Variants in RNF157 observed in about 807,000 individuals in gnomAD.
The protein encoded by RNF157 is E3 ubiquitin ligase RNF157.
RNF157 carries 55 observed loss-of-function variants against 88.3 expected under a neutral mutation model. The ratio of observed to expected loss-of-function variants is 0.62; its 90% confidence interval spans 0.50 to 0.78. The LOEUF (loss-of-function observed/expected upper bound fraction) is 0.78. Ranked by LOEUF, RNF157 falls within the 30% of genes least tolerant of loss-of-function variation. The probability of loss-of-function intolerance (pLI) is 0.00; values close to 1 mark genes in which losing one functional copy is unlikely to be tolerated. For synonymous variants in RNF157, 334 were observed against 341.2 expected, an observed-to-expected ratio of 0.98 and a Z score of 0.23; for missense variants, 788 against 860.8, an observed-to-expected ratio of 0.92 and a Z score of 1.06.
intron 1 of RNF157, among the ~76,000 whole-genome samples, chr17:76,237,775 A>T (rs2070306435): frequency 6.6e-6 from 1 of 152,098 alleles, no homozygotes; most frequent in Non-Finnish European, 1.5e-5. Context: ...CAACATAGTG[A>T]GAGAGTGTCT....
intron 13 of RNF157, 65 bp from the exon 14 acceptor site, chr17:76,156,386 G>A (rs2068764847): frequency 1.2e-6 from 2 of 1,607,270 alleles, no homozygotes; most frequent in Admixed American, 1.7e-5. Context: ...CTGGAGGAAG[G>A]GGTCAGGGCG....
intron 1 of RNF157, among the ~76,000 whole-genome samples, chr17:76,227,652 C>A (rs1438621296): frequency 6.6e-6 from 1 of 151,698 alleles, no homozygotes; most frequent in Non-Finnish European, 1.5e-5. Context: ...CCGAGGTGGG[C>A]GGATCACCTG....
chr17:76,165,500 A>G lies in RNF157; in HGVS notation c.672+2T>C. 1 of 1,614,114 alleles carries G rather than the reference A, an allele frequency of 6.2e-7. No homozygotes were observed. Among genetic ancestry groups the G allele is most frequent in the Non-Finnish European group, 8.5e-7 (1 of 1,179,982 alleles). On this transcript the variant is annotated splice_donor_variant, in intron 7 of 18. Transcript: ENST00000269391. LOFTEE classifies it high-confidence loss of function. ...AAAGCGAGGCCCTCTAAAGTCACTC[A>G]CCTTCTCAAAAGTACCCAGCAGTAC... is the stretch of plus-strand genomic sequence containing the variant.
intron 16 of RNF157, 28 bp from the exon 17 acceptor site, chr17:76,154,356 C>A: frequency 1.9e-6 from 3 of 1,565,556 alleles, no homozygotes; most frequent in Non-Finnish European, 2.6e-6. Flanking sequence ...CCCTGTGAGT[C>A]TATGAAGCGG....
intron 2 of RNF157, among the ~76,000 whole-genome samples, chr17:76,202,220 G>A (rs183243657): frequency 6.6e-6 from 1 of 151,730 alleles, no homozygotes; most frequent in East Asian, 1.9e-4. Flanking sequence ...GGCCTGTAGG[G>A]CAGTTAAGTG....
intron 1 of RNF157, among the ~76,000 whole-genome samples, chr17:76,213,207 T>C (rs893405875): frequency 3.9e-5 from 6 of 152,210 alleles, no homozygotes; most frequent in African/African-American, 1.4e-4. Flanking sequence ...GGCATATACA[T>C]ACACTGTGAT....
intron 18 of RNF157, chr17:76,147,106 C>G: frequency 1.0e-6 from 1 of 985,276 alleles, no homozygotes; most frequent in Non-Finnish European, 1.2e-6. Context: ...GGTACTGGAG[C>G]CTGGGACATG....
intron 2 of RNF157, among the ~76,000 whole-genome samples, chr17:76,209,244 G>C (rs968630879): frequency 2.6e-5 from 4 of 151,932 alleles, no homozygotes; most frequent in African/African-American, 9.7e-5. Flanking sequence ...TCTTCTTTGG[G>C]AAAAAGCCTC....
intron 1 of RNF157, among the ~76,000 whole-genome samples, chr17:76,236,200 A>C (rs1306554018): frequency 6.6e-6 from 1 of 152,166 alleles, no homozygotes; most frequent in Non-Finnish European, 1.5e-5. Context: ...CTTCTTAAAG[A>C]CTTCAGCAAA....
At chr17:76,226,953 C>A in intron 1 of RNF157, 2 of 637,276 alleles carry the variant, frequency 3.1e-6, no homozygotes, top group African/African-American at 1.8e-5. Flanking sequence ...CTGCTGCCGC[C>A]GCTGCAAAGG....
At chr17:76,208,822 A>C (rs1481728707) in intron 2 of RNF157, among the ~76,000 whole-genome samples, 1 of 152,020 alleles carries the variant, frequency 6.6e-6, no homozygotes, top group Non-Finnish European at 1.5e-5. Flanking sequence ...AAAAACACAA[A>C]AATTAGCCAG....
chr17:76,210,680 A>C (rs1258198113), intron 2 of RNF157, among the ~76,000 whole-genome samples: 1 of 152,016 alleles, frequency 6.6e-6, no homozygotes, highest in Admixed American at 6.6e-5. Flanking sequence ...ATGGAAGACC[A>C]TCATCAGATC....
chr17:76,168,375 T>C (rs1223280030), intron 3 of RNF157, among the ~76,000 whole-genome samples: 3 of 152,162 alleles, frequency 2.0e-5, no homozygotes, highest in African/African-American at 7.2e-5. Flanking sequence ...CACAAACTTA[T>C]AATCTATGAT....
chr17:76,151,490 C>T (rs769152355), intron 18 of RNF157, among the ~76,000 whole-genome samples: 8 of 152,240 alleles, frequency 5.3e-5, no homozygotes, highest in Admixed American at 2.6e-4. Context: ...AGTGAGTCTT[C>T]GTTCAGGGAA....
rs917587469 is a variant in RNF157, at chr17:76,160,644, T to C, written c.1065+891A>G. Reference sequence around the variant, plus strand: ...ATGAACTATGGCAAAGACATTAGCTTTTCCTCTGATACACACATTGTAAAT... The same window carrying C: ...ATGAACTATGGCAAAGACATTAGCTCTTCCTCTGATACACACATTGTAAAT... On this transcript the variant is annotated intron_variant, in intron 11 of 18. Transcript: ENST00000269391. This position sits in a 1 kb window ranked among gnomAD's most constrained non-coding sequence, Gnocchi z 4.3. 6.6e-6 allele frequency among the ~76,000 whole-genome samples: 1 copy of C among 152,200 alleles called. No homozygotes were observed. The highest frequency in any genetic ancestry group is 2.4e-5 in the African/African-American group (1 of 41,446).
chr17:76,190,658 G>T (rs1321651608), intron 2 of RNF157, among the ~76,000 whole-genome samples: 9 of 150,852 alleles, frequency 6.0e-5, no homozygotes, highest in Admixed American at 2.0e-4. Flanking sequence ...GATGGCTCAC[G>T]CCTGTAATCC....
rs144273940 is a variant in RNF157 at position 76,154,193 on chromosome 17, C to A, written c.1810+90G>T. 119 of 936,134 alleles carry A rather than the reference C, an allele frequency of 1.3e-4. 1 individual carries two copies. The East Asian group carries it at 2.8e-3, about 22-fold the overall frequency. 58.0% of individuals were successfully genotyped at this position (936,134 alleles called of 1,614,324 possible). A position where few individuals can be genotyped will look rare whatever the true frequency, so the allele number is the denominator to read the frequency against. The stretch of plus-strand genomic sequence containing the variant: ...CCCATACAACTGAGCAGCGCCACCA[C>A]GTCATACCGGTACCCTTTTCTTTAC... On this transcript the variant is annotated intron_variant, in intron 17 of 18. Coordinates refer to ENST00000269391, the MANE Select transcript of RNF157 (RefSeq NM_052916.3).
chr17:76,168,248 ATTTC>A lies in RNF157; in HGVS notation c.297-455_297-452del, dbSNP rs761050252. 2.6e-5 allele frequency among the ~76,000 whole-genome samples: 4 copies of A among 151,880 alleles called. No homozygotes were observed. The South Asian group carries it at 6.2e-4, about 24-fold the overall frequency. ...TGGGTTTCCTACTATGGAAACAAGG[ATTTC>A]TTTCTCTTTCCTCACTGTGCTCCAT... On this transcript the variant is annotated intron_variant, in intron 3 of 18. Coordinates refer to ENST00000269391, the MANE Select transcript of RNF157 (RefSeq NM_052916.3).
chr17:76,238,444 A>T (rs548481547), intron 1 of RNF157, among the ~76,000 whole-genome samples: 28 of 152,320 alleles, frequency 1.8e-4, no homozygotes, highest in African/African-American at 6.5e-4. Flanking sequence ...AGGATTATTT[A>T]TTGAGTGTGC....
Sources: allele counts gnomAD v4.1 joint callset (sites outside exome capture counted in the v4.1 genomes callset), GRCh38; gene constraint gnomAD v4.1.1; non-coding constraint Gnocchi (gnomAD v3.1); transcripts MANE v1.5; gene names NCBI Gene and HGNC (gene_info 2026-07-23, HGNC 2026-07-21).